The following GLDN variants were observed in gnomAD, a reference collection of about 807,000 sequenced individuals.
GLDN encodes collomin.
In GLDN, 47 loss-of-function variants were observed where a neutral mutation model predicts 56.5. The observed-to-expected ratio is 0.83, with a 90% confidence interval of 0.66 to 1.06. GLDN has a LOEUF of 1.06. Among genes scored for constraint, GLDN ranks in the 50% least tolerant of loss-of-function variants. The probability of loss-of-function intolerance (pLI) is 0.00; values close to 1 mark genes in which losing one functional copy is unlikely to be tolerated. For synonymous variants in GLDN, 332 were observed against 278.8 expected (o/e 1.19, Z -1.90); for missense variants, 782 against 714.3 (o/e 1.09, Z -1.08).
chr15:51,368,741 T>G (rs1327426768), intron 1 of GLDN, among the ~76,000 whole-genome samples: 3 of 152,228 alleles, frequency 2.0e-5, no homozygotes, highest in East Asian at 3.9e-4. Flanking sequence ...AGGAAGCGTT[T>G]TGGCCTGTTT....
intron 2 of GLDN, among the ~76,000 whole-genome samples, chr15:51,382,119 C>A (rs973155108): frequency 6.6e-6 from 1 of 152,188 alleles, no homozygotes; most frequent in Non-Finnish European, 1.5e-5. Context: ...GTGGCCCCTT[C>A]ATGGAATGCC....
chr15:51,391,602 G>T (rs7164280), intron 4 of GLDN, among the ~76,000 whole-genome samples: 55,358 of 152,076 alleles, frequency 0.36, 10,455 homozygotes, highest in African/African-American at 0.46. Flanking sequence ...AAAGAGGGCC[G>T]GGCAGAAGGG....
chr15:51,357,736 A>G (rs1225616070), intron 1 of GLDN, among the ~76,000 whole-genome samples: 1 of 152,236 alleles, frequency 6.6e-6, no homozygotes, highest in Non-Finnish European at 1.5e-5. Context: ...GCAGCCGCCC[A>G]TGCATGCATT....
At chr15:51,358,608 A>G (rs1026215677) in intron 1 of GLDN, among the ~76,000 whole-genome samples, 2 of 152,188 alleles carry the variant, frequency 1.3e-5, no homozygotes, top group Non-Finnish European at 2.9e-5. Flanking sequence ...CTGGAAAGAA[A>G]AGGACACCAG....
At position 51,341,929 on chromosome 15, in the gene GLDN, CACCCCAAG is replaced by C; in HGVS notation, c.250_257del (p.Gln84GlyfsTer24). 3 of 1,596,306 alleles carry C rather than the reference CACCCCAAG, an allele frequency of 1.9e-6. No individual in the cohort carries two copies. The highest frequency in any genetic ancestry group is 2.5e-6 in the Non-Finnish European group (3 of 1,178,960). ...CGCGCGCCGCGCGGGGCGTCCGCAC[CACCCCAAG>C]ACCCGGCCAGCTCAGCTCGCAACAA... is the stretch of plus-strand genomic sequence containing the variant. On this transcript the variant is annotated frameshift_variant, in exon 1 of 10. Transcript: ENST00000335449. LOFTEE classifies it high-confidence loss of function.
chr15:51,409,721 C>G (rs1276679387), downstream of GLDN, among the ~76,000 whole-genome samples: 1 of 152,174 alleles, frequency 6.6e-6, no homozygotes, highest in East Asian at 1.9e-4. Context: ...ATTTTAAAGT[C>G]TAGGAAAGTG....
intron 1 of GLDN, among the ~76,000 whole-genome samples, chr15:51,376,144 T>C (rs974982461): frequency 6.6e-6 from 1 of 152,220 alleles, no homozygotes; most frequent in African/African-American, 2.4e-5. Flanking sequence ...AAATACGTCA[T>C]TAGGCAATTT....
At chr15:51,389,260 C>A (rs1746495501) in intron 4 of GLDN, among the ~76,000 whole-genome samples, 1 of 152,226 alleles carries the variant, frequency 6.6e-6, no homozygotes, top group African/African-American at 2.4e-5. Flanking sequence ...TTTTATTATT[C>A]ATGACATCTC....
intron 1 of GLDN, chr15:51,360,138 A>G (rs1259468169): frequency 2.6e-5 from 4 of 152,178 alleles, no homozygotes; most frequent in Admixed American, 6.5e-5. Flanking sequence ...TGGAAACTCT[A>G]TTGAATTTGG....
intron 4 of GLDN, among the ~76,000 whole-genome samples, chr15:51,394,561 C>T (rs887680472): frequency 2.0e-5 from 3 of 152,164 alleles, no homozygotes; most frequent in South Asian, 2.1e-4. Context: ...TGCAGTGAGC[C>T]GAGATCGCGC....
Position 51,397,467 on chromosome 15 carries a change from CA to C in GLDN, c.689-2del. The C allele has an allele frequency of 6.8e-7, 1 of 1,475,564 alleles. No individual in the cohort carries two copies. The highest frequency in any genetic ancestry group is 9.0e-7 in the Non-Finnish European group (1 of 1,105,226). The allele number at this position is 1,475,564 out of a possible 1,614,324, so 91.4% of individuals were successfully genotyped here. ...CTCTCCCTTTCTCTCTCTCTCTCTC[CA>C]GGTGCCAAAGGTGACCAAGGCCCAC... On this transcript the variant is annotated splice_acceptor_variant, in intron 5 of 9. Coordinates refer to ENST00000335449, the MANE Select transcript of GLDN (RefSeq NM_181789.4). LOFTEE classifies it high-confidence loss of function.
intron 8 of GLDN, among the ~76,000 whole-genome samples, chr15:51,401,135 A>G (rs1231785380): frequency 6.6e-6 from 1 of 152,260 alleles, no homozygotes; most frequent in Non-Finnish European, 1.5e-5. Flanking sequence ...TTCAATTGGG[A>G]ACCTGGTAAT....
rs151249887 is a variant in GLDN, at chr15:51,358,484, C to T, written c.363+16437C>T. Among the ~76,000 whole-genome samples, 920 of 152,268 alleles carry T rather than the reference C, an allele frequency of 6.0e-3. 5 individuals carry two copies. The highest frequency in any genetic ancestry group is 0.019 in the African/African-American group (769 of 41,542). ...AGGAGCCACTAAAATCCAGCAGTCCCGGTCCCCTTTTCTGTGTGGCTAAAA... is the reference window on the plus strand; with the variant it reads ...AGGAGCCACTAAAATCCAGCAGTCCTGGTCCCCTTTTCTGTGTGGCTAAAA... On this transcript the variant is annotated intron_variant, in intron 1 of 9. Coordinates refer to ENST00000335449, the MANE Select transcript of GLDN (RefSeq NM_181789.4).
intron 4 of GLDN, chr15:51,384,413 G>A (rs2037843436): frequency 5.5e-6 from 1 of 180,422 alleles, no homozygotes; most frequent in Admixed American, 6.2e-5. Flanking sequence ...TCAGGTCAAA[G>A]GGTCTCCTCT....
intron 1 of GLDN, among the ~76,000 whole-genome samples, chr15:51,354,100 T>G (rs1424445853): frequency 6.6e-6 from 1 of 152,228 alleles, no homozygotes; most frequent in African/African-American, 2.4e-5. Flanking sequence ...CTAAAGATCG[T>G]TCAAAATGCA....
In GLDN at chr15:51,387,045, C is replaced by T. The variant is rs180898552; in HGVS notation, c.541+3153C>T. On this transcript the variant is annotated intron_variant, in intron 4 of 9. Transcript: ENST00000335449. ...ATATATCAGGGAGTCATTGAGGCAC[C>T]TGGGCATGTGGGCAGGGGTGAAGTC... Among the ~76,000 whole-genome samples, 130 of 152,094 alleles carry T rather than the reference C, an allele frequency of 8.5e-4. 3 individuals carry two copies. Among genetic ancestry groups the T allele is most frequent in the South Asian group, 8.5e-3 (41 of 4,802 alleles).
intron 1 of GLDN, 150 bp downstream of exon 1, chr15:51,342,197 G>C: frequency 2.1e-6 from 2 of 968,090 alleles, no homozygotes; most frequent in Admixed American, 2.5e-5. Flanking sequence ...ATGTCACCTT[G>C]GCAAGCACCT....
chr15:51,394,653 C>T (rs779574270), intron 4 of GLDN, among the ~76,000 whole-genome samples, 182 bp from the exon 5 acceptor site: 5 of 152,124 alleles, frequency 3.3e-5, no homozygotes, highest in Admixed American at 6.5e-5. Context: ...CCAGCAGAGC[C>T]ACCTGGAAAT....
chr15:51,344,375 T>C (rs527627524), intron 1 of GLDN, among the ~76,000 whole-genome samples: 21 of 152,360 alleles, frequency 1.4e-4, no homozygotes, highest in African/African-American at 5.1e-4. Flanking sequence ...ATTTTATTAC[T>C]GAAAAGCTTT....
Sources: allele counts gnomAD v4.1 joint callset (sites outside exome capture counted in the v4.1 genomes callset), GRCh38; gene constraint gnomAD v4.1.1; transcripts MANE v1.5; gene names NCBI Gene and HGNC (gene_info 2026-07-23, HGNC 2026-07-21).